PACS1: variants seen among roughly 807,000 people sequenced by gnomAD.
PACS1 encodes phosphofurin acidic cluster sorting protein 1, also known as PACS-1.
Under a neutral mutation model 115.0 loss-of-function variants are expected in PACS1, and 24 were observed. The observed-to-expected ratio is 0.21, with a 90% CI of 0.15 to 0.29. The LOEUF (loss-of-function observed/expected upper bound fraction) is 0.29, where lower values mean the gene tolerates loss of function less well. PACS1 is among the 10% of genes least tolerant of loss of function. The pLI is 1.00. For missense variants in PACS1, 838 were observed against 1,251.2 expected (o/e 0.67, Z 4.98); for synonymous variants, 453 against 504.5 (o/e 0.90, Z 1.37).
intron 22 of PACS1, among the ~76,000 whole-genome samples, chr11:66,242,482 T>C (rs1044641615): frequency 5.3e-5 from 8 of 152,224 alleles, no homozygotes; most frequent in African/African-American, 1.7e-4. Flanking sequence ...CCTTGCTTCC[T>C]TTCTGGAGTG....
At position 66,221,157 on chromosome 11, in the gene PACS1, T is replaced by C. The variant is rs1473031775; in HGVS notation, c.1203T>C (p.Pro401=). ...ILSTPKPKLK[P]FFEGMSQSSS... ...CTGGCTGTGCTCTTCACCACAGGCCTTTCTTTGAGGGGATGTCGCAGTCCA... is the reference window on the plus strand; with the variant it reads ...CTGGCTGTGCTCTTCACCACAGGCCCTTCTTTGAGGGGATGTCGCAGTCCA... Residue 401 remains proline (P), a synonymous_variant, in exon 10 of 24, where the codon CCT becomes CCC. Transcript: ENST00000320580. 2 of 1,613,980 alleles carry C rather than the reference T, an allele frequency of 1.2e-6. No homozygotes were observed. The highest frequency in any genetic ancestry group is 2.7e-5 in the African/African-American group (2 of 74,914).
At chr11:66,239,742 C>T (rs1415481310) in intron 21 of PACS1, among the ~76,000 whole-genome samples, 2 of 152,246 alleles carry the variant, frequency 1.3e-5, no homozygotes, top group African/African-American at 2.4e-5. Context: ...GGAAATAAAA[C>T]ACACGTGGGT....
intron 1 of PACS1, among the ~76,000 whole-genome samples, chr11:66,135,758 G>A (rs1055856870): frequency 3.3e-5 from 5 of 151,648 alleles, no homozygotes; most frequent in Non-Finnish European, 7.4e-5. Context: ...CTGGGTTCAA[G>A]CAATTCTTCT....
At chr11:66,160,751 G>A (rs1329227604) in intron 1 of PACS1, among the ~76,000 whole-genome samples, 1 of 149,686 alleles carries the variant, frequency 6.7e-6, no homozygotes, top group Non-Finnish European at 1.5e-5. Context: ...GAACTCCTTA[G>A]GCTCAAGCGA....
In PACS1 at chr11:66,236,765, AT is replaced by A. The variant is rs398045238; in HGVS notation, c.2250+837del. On this transcript the variant is annotated intron_variant, in intron 19 of 23. Coordinates refer to ENST00000320580, the MANE Select transcript of PACS1 (RefSeq NM_018026.4). The surrounding 1 kb of genome is among the most constrained non-coding windows in gnomAD (Gnocchi z 4.2). ...AAACCAGCTTCTATCTTTTTTTATT[AT>A]TTTTTTTTTTTATGAGATGGAGTCT... is the stretch of plus-strand genomic sequence containing the variant. 8.0e-4 allele frequency among the ~76,000 whole-genome samples: 117 copies of A among 146,746 alleles called. No homozygotes were observed. Among genetic ancestry groups the A allele is most frequent in the Admixed American group, 7.5e-4 (11 of 14,706 alleles).
Position 66,239,216 on chromosome 11 carries a change from C to T in PACS1, c.2368C>T (p.Arg790Ter). 1 of 1,614,004 alleles carries T rather than the reference C, an allele frequency of 6.2e-7. No homozygotes were observed. The highest frequency in any genetic ancestry group is 1.3e-5 in the African/African-American group (1 of 75,060). ...TSPPSSSGLS[R>*]DATATPPSSP... ...ACCACCCTCCAGCTCGGGCCTGAGC[C>T]GAGACGCCACGGCCACCCCTCCCTC... The change falls in exon 21 of 24, where the codon CGA (arginine) becomes TGA (stop). Residue 790 changes from arginine to a stop codon, truncating the protein, a stop_gained. Coordinates refer to ENST00000320580, the MANE Select transcript of PACS1 (RefSeq NM_018026.4). LOFTEE classifies it high-confidence loss of function.
At chr11:66,096,485 G>T (rs894675458) in intron 1 of PACS1, among the ~76,000 whole-genome samples, 2 of 150,416 alleles carry the variant, frequency 1.3e-5, no homozygotes, top group South Asian at 4.2e-4. Flanking sequence ...TAGCTTTTAT[G>T]AATAAAGTTG....
Position 66,244,337 on chromosome 11 carries a change from T to G in PACS1, c.*1057T>G, listed in dbSNP as rs1389809528. 1 of 152,484 alleles carries G rather than the reference T, an allele frequency of 6.6e-6. No homozygotes were observed. The highest frequency in any genetic ancestry group is 1.5e-5 in the Non-Finnish European group (1 of 68,268). The allele number at this position is 152,484 out of a possible 1,614,324, so 9.4% of individuals were successfully genotyped here. A position where few individuals can be genotyped will look rare whatever the true frequency, so the allele number is the denominator to read the frequency against. On this transcript the variant is annotated 3_prime_UTR_variant, in exon 24 of 24. Coordinates refer to ENST00000320580, the MANE Select transcript of PACS1 (RefSeq NM_018026.4). ...CCCCAGCCTGGGCCCAGACCCATCC[T>G]CCCAGCCAGGTTTCCCTCCAGCAGG...
chr11:66,216,082 G>C, intron 4 of PACS1, 37 bp from the exon 5 acceptor site: 1 of 1,611,094 alleles, frequency 6.2e-7, no homozygotes, highest in Non-Finnish European at 8.5e-7. Flanking sequence ...AGGTGCCTCT[G>C]TAGTAACACG....
intron 1 of PACS1, among the ~76,000 whole-genome samples, chr11:66,075,462 G>A (rs1428882230): frequency 1.3e-5 from 2 of 152,074 alleles, no homozygotes; most frequent in Admixed American, 6.5e-5. Context: ...GGCTGGTCTC[G>A]AACTCCTGGG....
intron 1 of PACS1, among the ~76,000 whole-genome samples, chr11:66,089,417 G>A (rs1186324773): frequency 1.3e-5 from 2 of 152,120 alleles, no homozygotes; most frequent in African/African-American, 4.8e-5. Flanking sequence ...TTCAAGTGTT[G>A]CCATTTATTA....
chr11:66,183,134 A>C (rs541668733), intron 1 of PACS1, among the ~76,000 whole-genome samples: 17 of 152,198 alleles, frequency 1.1e-4, no homozygotes, highest in Admixed American at 9.2e-4. Flanking sequence ...TGTCTCAAAA[A>C]TAAATAGATA....
Position 66,183,168 on chromosome 11 carries a change from C to G in PACS1, c.357-10318C>G, listed in dbSNP as rs536922414. On this transcript the variant is annotated intron_variant, in intron 1 of 23. Transcript: ENST00000320580. ...TAAATAAATAAATAATGCCTTAGTT[C>G]ATTGTTTCACAATCAAAATTATGCT... 2.0e-5 allele frequency among the ~76,000 whole-genome samples: 3 copies of G among 152,012 alleles called. No homozygotes were observed. The East Asian group carries it at 5.8e-4, about 29-fold the overall frequency.
rs377707499 is a variant in PACS1 at position 66,241,532 on chromosome 11, G to A, written c.2535G>A (p.Ser845=). ...AAGGCGACAAGAGGGACGCCAGCTCGAAGAACACCCTCAAGAGTGTCTTCC... is the reference window on the plus strand; with the variant it reads ...AAGGCGACAAGAGGGACGCCAGCTCAAAGAACACCCTCAAGAGTGTCTTCC... ...RREGDKRDAS[S]KNTLKSVFRS... Residue 845 remains serine (S), a synonymous_variant, in exon 22 of 24, where the codon TCG becomes TCA. Transcript: ENST00000320580. 17 of 1,614,110 alleles carry A rather than the reference G, an allele frequency of 1.1e-5. No individual in the cohort carries two copies. The highest frequency in any genetic ancestry group is 4.0e-5 in the African/African-American group (3 of 74,946).
intron 1 of PACS1, among the ~76,000 whole-genome samples, chr11:66,106,004 A>G (rs1324810594): frequency 3.3e-5 from 5 of 152,226 alleles, no homozygotes; most frequent in African/African-American, 1.2e-4. Context: ...TCAAAGCGTC[A>G]TTCCTCCTTT....
At chr11:66,217,648 C>T (rs1440246560) in intron 7 of PACS1, 2 of 455,926 alleles carry the variant, frequency 4.4e-6, no homozygotes, top group Middle Eastern at 6.5e-4. Flanking sequence ...CCTGGATTTC[C>T]CATCCAGTCA....
chr11:66,070,573 TCAGCAGCCGCCGCCGCAGCAGCAGCAG>T lies in PACS1; in HGVS notation c.101_127del (p.Pro34_Pro42del), dbSNP rs1438611816. The T allele has an allele frequency of 2.7e-6, 4 of 1,486,774 alleles. No homozygotes were observed. Among genetic ancestry groups the T allele is most frequent in the Admixed American group, 2.2e-5 (1 of 45,694 alleles). The allele number at this position is 1,486,774 out of a possible 1,614,324, so 92.1% of individuals were successfully genotyped here. A position where few individuals can be genotyped will look rare whatever the true frequency, so the allele number is the denominator to read the frequency against. On this transcript the variant is annotated inframe_deletion, in exon 1 of 24. Transcript: ENST00000320580. The surrounding 1 kb of genome is among the most constrained non-coding windows in gnomAD (Gnocchi z 5.9). ...GGGGATCCGGGGTCGCCCAGTCCCC[TCAGCAGCCGCCGCCGCAGCAGCAGCAG>T]CAGCAGCCGCCGCAGCAGCCGACGC...
At chr11:66,238,730 A>G (rs544515158) in intron 19 of PACS1, 74 bp from the exon 20 acceptor site, 66 of 1,311,916 alleles carry the variant, frequency 5.0e-5, no homozygotes, top group East Asian at 2.2e-4. Context: ...TGTGCCACCA[A>G]TGTGTTTCTG....
intron 1 of PACS1, among the ~76,000 whole-genome samples, chr11:66,072,091 C>T (rs980780799): frequency 3.9e-5 from 6 of 152,124 alleles, no homozygotes; most frequent in Non-Finnish European, 5.9e-5. Context: ...CATAATGCAT[C>T]TCTATATATT....
Sources: gnomAD v4.1 joint callset for allele counts (sites outside exome capture counted in the v4.1 genomes callset) on GRCh38, gnomAD v4.1.1 for gene constraint, Gnocchi (gnomAD v3.1) non-coding constraint, MANE v1.5 for transcripts, NCBI Gene and HGNC (gene_info 2026-07-23, HGNC 2026-07-21) for gene names.